Variants in SOX5 observed in about 807,000 individuals in gnomAD.
The protein encoded by SOX5 is SRY-box transcription factor 5, also known as transcription factor SOX-5.
Under a neutral mutation model 92.0 loss-of-function variants are expected in SOX5, and 9 were observed. That is an observed-to-expected ratio of 0.10 (90% CI 0.06 to 0.17). SOX5 has a LOEUF of 0.17. Ranked by LOEUF, SOX5 falls within the 10% of genes least tolerant of loss-of-function variation. The probability of loss-of-function intolerance (pLI) is 1.00; values close to 1 mark genes in which losing one functional copy is unlikely to be tolerated. For synonymous variants in SOX5, 344 were observed against 336.3 expected (o/e 1.02, Z -0.25); for missense variants, 642 against 944.5 (o/e 0.68, Z 4.20).
intron 4 of SOX5, among the ~76,000 whole-genome samples, chr12:24,033,840 C>T (rs1240561194): frequency 6.6e-6 from 1 of 152,010 alleles, no homozygotes; most frequent in East Asian, 1.9e-4. Flanking sequence ...CTACCTTACG[C>T]TAGCCTGAGT....
Position 23,949,598 on chromosome 12 carries a change from G to A in SOX5, c.4C>T (p.Leu2Phe), listed in dbSNP as rs1414138313. The A allele has an allele frequency of 3.1e-6, 5 of 1,613,452 alleles. No homozygotes were observed. Among genetic ancestry groups the A allele is most frequent in the African/African-American group, 2.7e-5 (2 of 74,880 alleles). The change falls in exon 1 of 15, where the codon CTT (leucine) becomes TTT (phenylalanine). Residue 2 changes from leucine (L) to phenylalanine (F), a missense_variant. Physicochemically the swap from Leu to Phe is conservative, Grantham distance 22. Coordinates refer to ENST00000451604, the MANE Select transcript of SOX5 (RefSeq NM_006940.6). M[L>F]TDPDLPQEFE... ...TCCTGAGGTAAATCAGGGTCAGTAAGCATGCTGGAAAAGCACAATTTCCCT... is the reference window on the plus strand; with the variant it reads ...TCCTGAGGTAAATCAGGGTCAGTAAACATGCTGGAAAAGCACAATTTCCCT...
At chr12:24,186,711 C>T (rs932582884) in intron 4 of SOX5, among the ~76,000 whole-genome samples, 20 of 152,088 alleles carry the variant, frequency 1.3e-4, no homozygotes, top group African/African-American at 4.8e-4. Context: ...AAAACTATTA[C>T]AGCATGAGTT....
At chr12:23,744,615 ATAT>A (rs781392489) in intron 4 of SOX5, among the ~76,000 whole-genome samples, 117 of 152,200 alleles carry the variant, frequency 7.7e-4, no homozygotes, top group South Asian at 1.7e-3. Flanking sequence ...ATATTTTTCA[ATAT>A]TATTATGTTC....
intron 1 of SOX5, among the ~76,000 whole-genome samples, chr12:23,929,135 T>C (rs913081718): frequency 4.0e-5 from 6 of 151,760 alleles, no homozygotes; most frequent in African/African-American, 1.5e-4. Flanking sequence ...TCAGAAGAGA[T>C]TTTGAATTAT....
chr12:24,171,330 T>C (rs1954129548), intron 4 of SOX5, among the ~76,000 whole-genome samples: 1 of 150,242 alleles, frequency 6.7e-6, no homozygotes, highest in African/African-American at 2.5e-5. Context: ...CTCAAGCAAT[T>C]CTCCTGCCTC....
Position 24,513,055 on chromosome 12 carries a change from T to C in SOX5, c.-251+49274A>G, listed in dbSNP as rs35369629. On this transcript the variant is annotated intron_variant, in intron 1 of 4. Coordinates refer to the SOX5 transcript ENST00000446891. ...ATGCTACTGATATGTGGTACCATACTCTCTCATGGTGCTGGGCAGTAGCAG... is the reference window on the plus strand; with the variant it reads ...ATGCTACTGATATGTGGTACCATACCCTCTCATGGTGCTGGGCAGTAGCAG... Among the ~76,000 whole-genome samples, 5 of 152,194 alleles carry C rather than the reference T, an allele frequency of 3.3e-5. No individual in the cohort carries two copies. In the East Asian group the frequency reaches 7.7e-4, roughly 23 times the overall value.
intron 1 of SOX5, among the ~76,000 whole-genome samples, chr12:24,413,938 C>A (rs1030633810): frequency 5.9e-5 from 9 of 152,182 alleles, no homozygotes; most frequent in Non-Finnish European, 1.5e-5. Flanking sequence ...AAGAGACTGT[C>A]CTCAATTCCC....
At chr12:23,787,834 T>C (rs1032685418) in intron 3 of SOX5, among the ~76,000 whole-genome samples, 3 of 151,876 alleles carry the variant, frequency 2.0e-5, no homozygotes, top group African/African-American at 4.8e-5. Flanking sequence ...ACACTGTAGT[T>C]ACAGGCTCAA....
intron 4 of SOX5, among the ~76,000 whole-genome samples, chr12:24,111,353 A>G (rs1947327247): frequency 6.6e-6 from 1 of 152,206 alleles, no homozygotes; most frequent in Non-Finnish European, 1.5e-5. Context: ...TATACAATGC[A>G]TCCTGTGAGT....
chr12:23,647,391 A>T (rs1285262781), intron 7 of SOX5, among the ~76,000 whole-genome samples: 4 of 152,230 alleles, frequency 2.6e-5, no homozygotes, highest in African/African-American at 9.6e-5. Context: ...AATTCTTAAA[A>T]AAACTAAGAT....
At chr12:24,156,784 AG>A (rs1952219399) in intron 4 of SOX5, among the ~76,000 whole-genome samples, 1 of 152,184 alleles carries the variant, frequency 6.6e-6, no homozygotes, top group Admixed American at 6.5e-5. Flanking sequence ...GGAATTTTAA[AG>A]GTATTACCAT....
At chr12:23,747,269 C>T (rs557615637) in intron 4 of SOX5, among the ~76,000 whole-genome samples, 1 of 152,250 alleles carries the variant, frequency 6.6e-6, no homozygotes, top group South Asian at 2.1e-4. Flanking sequence ...AGGCCACTAT[C>T]ATCTCTTGCC....
intron 8 of SOX5, among the ~76,000 whole-genome samples, chr12:23,614,992 C>T (rs546857437): frequency 5.3e-5 from 8 of 151,718 alleles, no homozygotes; most frequent in South Asian, 2.1e-4. Flanking sequence ...TTAGTGCAGA[C>T]GGGGTTTTAC....
chr12:23,862,116 T>C (rs903483125), intron 2 of SOX5, among the ~76,000 whole-genome samples: 2 of 152,176 alleles, frequency 1.3e-5, no homozygotes, highest in Non-Finnish European at 2.9e-5. Context: ...TCACAGAGAC[T>C]ACACATTTAA....
chr12:24,008,166 T>C (rs1952524424), intron 4 of SOX5, among the ~76,000 whole-genome samples: 3 of 151,778 alleles, frequency 2.0e-5, no homozygotes, highest in Middle Eastern at 3.4e-3. Flanking sequence ...AGATAACGAG[T>C]GAAAAATGGA....
At chr12:24,020,948 A>T (rs1406329617) in intron 4 of SOX5, among the ~76,000 whole-genome samples, 1 of 152,174 alleles carries the variant, frequency 6.6e-6, no homozygotes, top group Admixed American at 6.6e-5. Context: ...AAAACATCCC[A>T]ACAACTGCTG....
chr12:23,736,978 C>G (rs113051431), intron 5 of SOX5, among the ~76,000 whole-genome samples: 1 of 151,500 alleles, frequency 6.6e-6, no homozygotes, highest in African/African-American at 2.4e-5. Context: ...CAGGCGTGAG[C>G]CACAGTGCCC....
At position 23,856,232 on chromosome 12, in the gene SOX5, C is replaced by A. The variant is rs150241280; in HGVS notation, c.271-10039G>T. 9.9e-5 allele frequency among the ~76,000 whole-genome samples: 15 copies of A among 152,172 alleles called. No individual in the cohort carries two copies. The East Asian group carries it at 2.5e-3, about 25-fold the overall frequency. Reference sequence around the variant, plus strand: ...CGTTCTTAATGTAAAATATTAGGTTCTCTGCAAAGATTATATTCATGTAGT... The same window carrying A: ...CGTTCTTAATGTAAAATATTAGGTTATCTGCAAAGATTATATTCATGTAGT... On this transcript the variant is annotated intron_variant, in intron 2 of 14. Transcript: ENST00000451604.
chr12:23,685,190 CT>C (rs1013257429), intron 6 of SOX5, among the ~76,000 whole-genome samples: 2 of 152,070 alleles, frequency 1.3e-5, no homozygotes, highest in African/African-American at 2.4e-5. Flanking sequence ...CTTCTTTTCT[CT>C]CCTGCTGTTT....
Sources: gnomAD v4.1 joint callset for allele counts (sites outside exome capture counted in the v4.1 genomes callset) on GRCh38, gnomAD v4.1.1 for gene constraint, MANE v1.5 for transcripts, NCBI Gene and HGNC (gene_info 2026-07-23, HGNC 2026-07-21) for gene names.